The following ZRANB3 variants were observed in gnomAD, a reference collection of about 807,000 sequenced individuals.
The protein encoded by ZRANB3 is DNA annealing helicase and endonuclease ZRANB3.
In ZRANB3, 125 loss-of-function variants were observed where a neutral mutation model predicts 133.8. The ratio of observed to expected loss-of-function variants is 0.93; its 90% CI spans 0.81 to 1.08. The LOEUF is 1.08. ZRANB3 is among the 50% of genes least tolerant of loss of function. The pLI is 0.00. For missense variants in ZRANB3, 1,229 were observed against 1,275.5 expected (o/e 0.96, Z 0.56); for synonymous variants, 387 against 432.7 (o/e 0.89, Z 1.31).
At chr2:135,476,947 C>T (rs986860179) in intron 2 of ZRANB3, among the ~76,000 whole-genome samples, 3 of 152,100 alleles carry the variant, frequency 2.0e-5, no homozygotes, top group African/African-American at 7.2e-5. Context: ...TCTCAAATTC[C>T]TGGGCTCAAG....
At chr2:135,242,348 T>C (rs1695588753) in intron 12 of ZRANB3, among the ~76,000 whole-genome samples, 1 of 151,934 alleles carries the variant, frequency 6.6e-6, no homozygotes, top group South Asian at 2.1e-4. Flanking sequence ...GCTGAATGAG[T>C]AAAAGATATC....
intron 2 of ZRANB3, among the ~76,000 whole-genome samples, chr2:135,399,455 A>G (rs1687643422): frequency 6.6e-6 from 1 of 152,230 alleles, no homozygotes; most frequent in Non-Finnish European, 1.5e-5. Context: ...AAAGTTTTAG[A>G]GTAAGACTGA....
At chr2:135,232,254 G>A (rs1357656909) in intron 12 of ZRANB3, among the ~76,000 whole-genome samples, 1 of 152,222 alleles carries the variant, frequency 6.6e-6, no homozygotes, top group African/African-American at 2.4e-5. Flanking sequence ...AGGGGCGCCT[G>A]CCATTGCTGA....
At chr2:135,341,452 C>T (rs754934232) in intron 6 of ZRANB3, among the ~76,000 whole-genome samples, 8 of 149,932 alleles carry the variant, frequency 5.3e-5, no homozygotes, top group African/African-American at 1.3e-4. Flanking sequence ...ATGCATGTCA[C>T]GTCAGGATCC....
chr2:135,480,579 A>G (rs1397869642), intron 2 of ZRANB3, among the ~76,000 whole-genome samples: 1 of 152,026 alleles, frequency 6.6e-6, no homozygotes, highest in Non-Finnish European at 1.5e-5. Flanking sequence ...TTTTTGCAAA[A>G]GCCTTAAATA....
Position 135,315,462 on chromosome 2 carries a change from A to G in ZRANB3, c.746T>C (p.Leu249Ser). 1 of 1,598,160 alleles carries G rather than the reference A, an allele frequency of 6.3e-7. No individual in the cohort carries two copies. Among genetic ancestry groups the G allele is most frequent in the South Asian group, 1.1e-5 (1 of 87,418 alleles). ...TAATCTTCTAATCATTATGTCACTTAATAGCTGGTGAAGTTCATTAAGATT... is the reference window on the plus strand; with the variant it reads ...TAATCTTCTAATCATTATGTCACTTGATAGCTGGTGAAGTTCATTAAGATT... ...ASNLNELHQL[L>S]SDIMIRRLKT... Residue 249 changes from leucine to serine, a missense_variant, in exon 7 of 21, where the codon TTA becomes TCA. Coordinates refer to ENST00000264159, the MANE Select transcript of ZRANB3 (RefSeq NM_032143.4).
chr2:135,372,021 A>G (rs1172965815), intron 3 of ZRANB3, among the ~76,000 whole-genome samples: 1 of 152,120 alleles, frequency 6.6e-6, no homozygotes, highest in Non-Finnish European at 1.5e-5. Flanking sequence ...TACAAAAATT[A>G]GCCAGGTGTG....
At chr2:135,427,434 G>A (rs1689140682) in intron 2 of ZRANB3, among the ~76,000 whole-genome samples, 3 of 152,028 alleles carry the variant, frequency 2.0e-5, no homozygotes, top group Admixed American at 2.0e-4. Context: ...CAAGCTGAGT[G>A]CCAAATCAAG....
intron 2 of ZRANB3, among the ~76,000 whole-genome samples, chr2:135,499,259 T>C (rs1215394220): frequency 6.6e-6 from 1 of 152,184 alleles, no homozygotes; most frequent in African/African-American, 2.4e-5. Context: ...GGGGGCTGAT[T>C]TCCCCAAACA....
chr2:135,353,584 GAAGT>G lies in ZRANB3; in HGVS notation c.221_224del (p.Tyr74SerfsTer9). 6.3e-7 allele frequency: 1 copy of G among 1,599,186 alleles called. No individual in the cohort carries two copies. The highest frequency in any genetic ancestry group is 2.3e-5 in the East Asian group (1 of 44,338). On this transcript the variant is annotated frameshift_variant, in exon 4 of 21. Coordinates refer to ENST00000264159, the MANE Select transcript of ZRANB3 (RefSeq NM_032143.4). LOFTEE classifies it high-confidence loss of function. ...TTAACAGAGGCCATTCCTCTTTATA[GAAGT>G]AAGTAATTCCAATTGCCTGGATTGT...
intron 2 of ZRANB3, among the ~76,000 whole-genome samples, chr2:135,484,723 A>G (rs1044709250): frequency 2.0e-5 from 3 of 150,012 alleles, no homozygotes; most frequent in Non-Finnish European, 4.4e-5. Flanking sequence ...TAATAAAATA[A>G]AATTAATTAA....
At chr2:135,231,670 C>T (rs1473107628) in intron 12 of ZRANB3, among the ~76,000 whole-genome samples, 5 of 152,126 alleles carry the variant, frequency 3.3e-5, no homozygotes, top group Non-Finnish European at 7.4e-5. Context: ...CACCTGTAGT[C>T]CCAGCTACTC....
chr2:135,487,140 T>G (rs1331832441), intron 2 of ZRANB3, among the ~76,000 whole-genome samples: 1 of 152,232 alleles, frequency 6.6e-6, no homozygotes, highest in Non-Finnish European at 1.5e-5. Flanking sequence ...ATATCTACAA[T>G]AGAGCTCTTG....
intron 12 of ZRANB3, among the ~76,000 whole-genome samples, chr2:135,232,815 A>G (rs1695095873): frequency 6.6e-6 from 1 of 152,182 alleles, no homozygotes; most frequent in African/African-American, 2.4e-5. Flanking sequence ...ATCAAAGACC[A>G]AAGGTAGATA....
At chr2:135,292,633 C>T (rs1681814580) in intron 8 of ZRANB3, among the ~76,000 whole-genome samples, 1 of 152,136 alleles carries the variant, frequency 6.6e-6, no homozygotes. Flanking sequence ...GCTTTTGTTG[C>T]CATTGCTTTT....
chr2:135,228,615 T>C (rs992200252), intron 13 of ZRANB3, among the ~76,000 whole-genome samples: 28 of 152,218 alleles, frequency 1.8e-4, no homozygotes, highest in Admixed American at 4.6e-4. Flanking sequence ...GCAATAAAGA[T>C]AAAGTGGTTG....
intron 12 of ZRANB3, among the ~76,000 whole-genome samples, chr2:135,236,221 C>T (rs903523381): frequency 2.6e-5 from 4 of 152,086 alleles, no homozygotes; most frequent in Non-Finnish European, 5.9e-5. Flanking sequence ...CCTAGGAATC[C>T]AACTTAGAAA....
intron 2 of ZRANB3, among the ~76,000 whole-genome samples, chr2:135,502,148 A>C (rs534739357): frequency 1.9e-4 from 29 of 152,298 alleles, no homozygotes; most frequent in Admixed American, 3.3e-4. Context: ...AGTAAACAAA[A>C]AACTTGATGG....
intron 1 of ZRANB3, among the ~76,000 whole-genome samples, chr2:135,525,480 G>A (rs1005909533): frequency 1.3e-5 from 2 of 152,196 alleles, no homozygotes; most frequent in African/African-American, 4.8e-5. Flanking sequence ...CAAAGAGAGT[G>A]CACATGACAG....
Sources: gnomAD v4.1 joint callset for allele counts (sites outside exome capture counted in the v4.1 genomes callset) on GRCh38, gnomAD v4.1.1 for gene constraint, MANE v1.5 for transcripts, NCBI Gene and HGNC (gene_info 2026-07-23, HGNC 2026-07-21) for gene names.